Variants in HELZ observed in about 807,000 individuals in gnomAD.
HELZ encodes the protein ATP-dependent RNA helicase with zinc finger domain.
In HELZ, 23 loss-of-function variants were observed where a neutral mutation model predicts 218.2. The ratio of observed to expected loss-of-function variants is 0.11; its 90% CI spans 0.08 to 0.15. HELZ has a LOEUF of 0.15. HELZ is among the 10% of genes least tolerant of loss of function. The pLI, the probability that HELZ is intolerant of heterozygous loss-of-function variation, is 1.00. For missense variants in HELZ, 1,813 were observed against 2,353.7 expected, an observed-to-expected ratio of 0.77 and a Z score of 4.75; for synonymous variants, 814 against 829.4, an observed-to-expected ratio of 0.98 and a Z score of 0.32.
intron 5 of HELZ, among the ~76,000 whole-genome samples, chr17:67,213,255 T>C (rs2040503650): frequency 6.6e-6 from 1 of 152,204 alleles, no homozygotes; most frequent in South Asian, 2.1e-4. Context: ...CAGGTTTCAG[T>C]GACAGATTAC....
chr17:67,178,686 T>C lies in HELZ; in HGVS notation c.1403A>G (p.Glu468Gly), dbSNP rs1214609662. The C allele has an allele frequency of 6.2e-7, 1 of 1,613,282 alleles. No individual in the cohort carries two copies. The highest frequency in any genetic ancestry group is 1.7e-5 in the Admixed American group (1 of 59,928). ...SRLHDLLYIE[E>G]IAQYKEISKF... is the part of the protein sequence containing the mutation. ...GCTGATTTCTTTATACTGGGCTATCTCCTCAATATAAAGAAGGTCATGTAA... is the reference window on the plus strand; with the variant it reads ...GCTGATTTCTTTATACTGGGCTATCCCCTCAATATAAAGAAGGTCATGTAA... The change falls in exon 13 of 33, where the codon GAG (glutamate) becomes GGG (glycine). Residue 468 changes from glutamate (E) to glycine (G), a missense_variant. Glu to Gly is a moderately conservative substitution (Grantham distance 98). This residue lies in a region of HELZ where 714 missense variants were observed against 1,029.2 expected (regional missense o/e 0.69). Transcript: ENST00000358691.
intron 23 of HELZ, among the ~76,000 whole-genome samples, chr17:67,131,036 CCACCA>C (rs2037965702): frequency 6.6e-6 from 1 of 152,094 alleles, no homozygotes; most frequent in African/African-American, 2.4e-5. Flanking sequence ...TAGTTGTGTG[CCACCA>C]CACCTGGCTA....
chr17:67,113,662 G>C (rs2037348657), intron 28 of HELZ, among the ~76,000 whole-genome samples: 1 of 152,176 alleles, frequency 6.6e-6, no homozygotes, highest in African/African-American at 2.4e-5. Context: ...AAATTAACAA[G>C]AGCAAATCCT....
intron 12 of HELZ, among the ~76,000 whole-genome samples, chr17:67,182,957 A>G (rs1374198109): frequency 6.6e-6 from 1 of 152,194 alleles, no homozygotes; most frequent in Non-Finnish European, 1.5e-5. Context: ...GGGGAAATCG[A>G]GTGTTCTAAG....
At chr17:67,237,285 G>GA (rs961113228) in intron 3 of HELZ, among the ~76,000 whole-genome samples, 27 of 151,670 alleles carry the variant, frequency 1.8e-4, no homozygotes, top group African/African-American at 3.9e-4. Context: ...ACTCTGTCTC[G>GA]AAAAAAAACA....
intron 10 of HELZ, 112 bp from the exon 11 acceptor site, chr17:67,189,808 G>T (rs1360619847): frequency 5.7e-6 from 4 of 707,182 alleles, no homozygotes; most frequent in Non-Finnish European, 9.9e-6. Context: ...ACTGTTTACA[G>T]ACCAAAGTAT....
At chr17:67,199,315 C>T (rs1234636509) in intron 7 of HELZ, among the ~76,000 whole-genome samples, 1 of 150,526 alleles carries the variant, frequency 6.6e-6, no homozygotes, top group Non-Finnish European at 1.5e-5. Flanking sequence ...TGGGTTCAAG[C>T]CATTCTCCTG....
chr17:67,100,024 A>T (rs927298061), intron 31 of HELZ, among the ~76,000 whole-genome samples: 1 of 152,206 alleles, frequency 6.6e-6, no homozygotes, highest in Non-Finnish European at 1.5e-5. Flanking sequence ...GCTATGTCAG[A>T]GAAGACAGCA....
At position 67,142,926 on chromosome 17, in the gene HELZ, T is replaced by C. The variant is rs144599472; in HGVS notation, c.2769+2817A>G. Among the ~76,000 whole-genome samples, 281 of 151,878 alleles carry C rather than the reference T, an allele frequency of 1.9e-3. 2 individuals are homozygous for C. Among genetic ancestry groups the C allele is most frequent in the African/African-American group, 6.6e-3 (273 of 41,414 alleles). Reference sequence around the variant, plus strand: ...CACCTGCCACCATGCCCAGCTAATTTTTTTGTATTTTTTTTGTAGAGACGG... The same window carrying C: ...CACCTGCCACCATGCCCAGCTAATTCTTTTGTATTTTTTTTGTAGAGACGG... On this transcript the variant is annotated intron_variant, in intron 21 of 32. Transcript: ENST00000358691.
chr17:67,224,621 G>T (rs2040841896), intron 3 of HELZ: 13 of 536,564 alleles, frequency 2.4e-5, no homozygotes, highest in South Asian at 2.4e-4. Flanking sequence ...AGTGTAAAGA[G>T]AAAAAATAAG....
chr17:67,150,127 T>TTAC, intron 18 of HELZ, 142 bp from the exon 19 acceptor site: 1 of 435,770 alleles, frequency 2.3e-6, no homozygotes, highest in Non-Finnish European at 3.9e-6. Flanking sequence ...ATTTATTTTC[T>TTAC]TTCTTTTTTT....
At chr17:67,135,125 C>A (rs1444982536) in intron 23 of HELZ, among the ~76,000 whole-genome samples, 1 of 151,954 alleles carries the variant, frequency 6.6e-6, no homozygotes. Context: ...GATATTTTAA[C>A]CATATTTAGT....
Position 67,145,769 on chromosome 17 carries a change from T to G in HELZ, c.2743A>C (p.Ser915Arg), listed in dbSNP as rs1464649109. 1 of 1,611,430 alleles carries G rather than the reference T, an allele frequency of 6.2e-7. No homozygotes were observed. The highest frequency in any genetic ancestry group is 8.5e-7 in the Non-Finnish European group (1 of 1,178,162). The change falls in exon 21 of 33, where the codon AGC (serine) becomes CGC (arginine). Residue 915 changes from serine (S) to arginine (R), a missense_variant. Physicochemically the swap from Ser to Arg is moderately radical, Grantham distance 110. This residue lies in a region of HELZ where 156 missense variants were observed against 274.4 expected (regional missense o/e 0.57). Coordinates refer to ENST00000358691, the MANE Select transcript of HELZ (RefSeq NM_014877.4). ...TCTGCATTATTATAAAAAGCTGTGC[T>G]ATTTTTTTCTTGTACATCTTCTCCT... The part of the protein sequence containing the change: ...ARGEDVQEKN[S>R]TAFYNNAEVF...
intron 13 of HELZ, among the ~76,000 whole-genome samples, chr17:67,178,047 C>A (rs35549843): frequency 1.3e-5 from 2 of 152,054 alleles, no homozygotes; most frequent in Admixed American, 1.3e-4. Flanking sequence ...TAGAAAGCTA[C>A]TACCAAATAC....
intron 5 of HELZ, among the ~76,000 whole-genome samples, chr17:67,211,133 G>A (rs897672606): frequency 6.6e-6 from 1 of 152,000 alleles, no homozygotes; most frequent in Non-Finnish European, 1.5e-5. Context: ...TTACAAAGGT[G>A]CCCTTGAGTC....
intron 31 of HELZ, 104 bp from the exon 32 acceptor site, chr17:67,087,185 C>T (rs567018120): frequency 2.9e-5 from 31 of 1,056,504 alleles, no homozygotes; most frequent in Middle Eastern, 3.1e-4. Flanking sequence ...TAAAAATTGT[C>T]AAGAATATAC....
At chr17:67,162,184 G>GT (rs2039012299) in intron 15 of HELZ, among the ~76,000 whole-genome samples, 1 of 152,126 alleles carries the variant, frequency 6.6e-6, no homozygotes, top group Non-Finnish European at 1.5e-5. Context: ...GGGAGGCCAA[G>GT]GTAGGAGCGT....
In HELZ at chr17:67,145,970, C is replaced by T. The variant is rs184598391; in HGVS notation, c.2622-80G>A. ...CACCCATAAGAAAAAAAAAATCAGT[C>T]GATTCTAATAATATTGCCTTATGTC... On this transcript the variant is annotated intron_variant, in intron 20 of 32. Transcript: ENST00000358691. The T allele has an allele frequency of 1.9e-5, 23 of 1,229,732 alleles. No individual in the cohort carries two copies. The Admixed American group carries it at 4.6e-4, about 25-fold the overall frequency. The allele number at this position is 1,229,732 out of a possible 1,614,324, so 76.2% of individuals were successfully genotyped here.
At chr17:67,115,088 A>T (rs2037389713) in intron 27 of HELZ, among the ~76,000 whole-genome samples, 1 of 152,118 alleles carries the variant, frequency 6.6e-6, no homozygotes, top group Non-Finnish European at 1.5e-5. Context: ...ATTCCACTGG[A>T]ACTTTGTAAA....
Sources: gnomAD v4.1 joint callset for allele counts (sites outside exome capture counted in the v4.1 genomes callset) on GRCh38, gnomAD v4.1.1 for gene constraint, gnomAD v4.1.1 regional missense constraint, MANE v1.5 for transcripts, NCBI Gene and HGNC (gene_info 2026-07-23, HGNC 2026-07-21) for gene names.